SLC13A3: variants seen among roughly 807,000 people sequenced by gnomAD.
SLC13A3 encodes solute carrier family 13 member 3.
In SLC13A3, 40 loss-of-function variants were observed where a neutral mutation model predicts 59.0. That is an observed-to-expected ratio of 0.68 (90% CI 0.53 to 0.88). The LOEUF is 0.88. SLC13A3 is among the 40% of genes least tolerant of loss of function. The probability of loss-of-function intolerance (pLI) is 0.00; values close to 1 mark genes in which losing one functional copy is unlikely to be tolerated. For synonymous variants in SLC13A3, 317 were observed against 330.3 expected (o/e 0.96, Z 0.44); for missense variants, 699 against 783.2 (o/e 0.89, Z 1.28).
intron 1 of SLC13A3, among the ~76,000 whole-genome samples, chr20:46,615,197 AC>A (rs1371989330): frequency 1.1e-4 from 16 of 152,160 alleles, no homozygotes; most frequent in Admixed American, 9.2e-4. Flanking sequence ...TTTCAAGGCA[AC>A]GATCTTGCAT....
rs2061908583 is a variant in SLC13A3 at position 46,558,993 on chromosome 20, G to A, written c.*1029C>T. The A allele has an allele frequency of 6.6e-6, 1 of 151,892 alleles. No homozygotes were observed. The highest frequency in any genetic ancestry group is 2.4e-5 in the African/African-American group (1 of 41,324). The allele number at this position is 151,892 out of a possible 1,614,324, so 9.4% of individuals were successfully genotyped here. A position where few individuals can be genotyped will look rare whatever the true frequency, so the allele number is the denominator to read the frequency against. On this transcript the variant is annotated 3_prime_UTR_variant, in exon 13 of 13. Coordinates refer to ENST00000279027, the MANE Select transcript of SLC13A3 (RefSeq NM_022829.6). The stretch of plus-strand genomic sequence containing the variant: ...CTCAGTTTTACCCATATGCAGAAGG[G>A]GACAATCTTTTGCTTGCCTGAGACA...
At chr20:46,597,729 G>A (rs772543979) in intron 4 of SLC13A3, among the ~76,000 whole-genome samples, 14 of 152,268 alleles carry the variant, frequency 9.2e-5, no homozygotes, top group Admixed American at 5.2e-4. Context: ...AAGCCACCGC[G>A]GTAAAAATGC....
intron 11 of SLC13A3, 59 bp from the exon 12 acceptor site, chr20:46,563,610 A>AAAAGAGAG: frequency 3.6e-6 from 2 of 560,470 alleles, no homozygotes; most frequent in South Asian, 3.1e-5. Context: ...CGACCACAGC[A>AAAAGAGAG]AGAGGGAGAG....
intron 1 of SLC13A3, among the ~76,000 whole-genome samples, chr20:46,632,613 A>G (rs1397040619): frequency 6.6e-6 from 1 of 152,184 alleles, no homozygotes; most frequent in Non-Finnish European, 1.5e-5. Context: ...CTGGGTTCCA[A>G]TCCTGGAAGT....
At chr20:46,588,968 T>C (rs1478389082) in intron 7 of SLC13A3, among the ~76,000 whole-genome samples, 192 bp downstream of exon 7, 2 of 151,956 alleles carry the variant, frequency 1.3e-5, no homozygotes, top group African/African-American at 4.8e-5. Context: ...GGTCCTCAGG[T>C]TTCTACCCCA....
intron 1 of SLC13A3, among the ~76,000 whole-genome samples, chr20:46,635,848 C>T (rs780711757): frequency 9.9e-5 from 15 of 152,190 alleles, no homozygotes; most frequent in Non-Finnish European, 1.6e-4. Context: ...GCAAGGAAAG[C>T]GACCTCTAGT....
chr20:46,661,223 T>A (rs530076297), intron 1 of SLC13A3, among the ~76,000 whole-genome samples: 1 of 152,340 alleles, frequency 6.6e-6, no homozygotes, highest in Admixed American at 6.5e-5. Flanking sequence ...CAGTAGAGAA[T>A]GAAGTAAATA....
rs2062167810 is a variant in SLC13A3, at chr20:46,584,099, A to T, written c.1122-430T>A. 1.3e-5 allele frequency: 13 copies of T among 985,358 alleles called. No individual in the cohort carries two copies. The South Asian group carries it at 5.2e-4, about 39-fold the overall frequency. 61.0% of individuals were successfully genotyped at this position (985,358 alleles called of 1,614,324 possible). A position where few individuals can be genotyped will look rare whatever the true frequency, so the allele number is the denominator to read the frequency against. The stretch of plus-strand genomic sequence containing the variant: ...CTGCATTGAGATACAGCCCACTCAC[A>T]CCAGTGGAACCCAGATTGACCCAGC... On this transcript the variant is annotated intron_variant, in intron 8 of 12. Coordinates refer to ENST00000279027, the MANE Select transcript of SLC13A3 (RefSeq NM_022829.6).
chr20:46,616,274 AACAG>A (rs1183372464), intron 1 of SLC13A3, among the ~76,000 whole-genome samples: 1 of 152,184 alleles, frequency 6.6e-6, no homozygotes, highest in Non-Finnish European at 1.5e-5. Context: ...CAGTATATAA[AACAG>A]ACAAACTTTG....
chr20:46,585,044 A>G (rs1007694160), intron 8 of SLC13A3: 13 of 687,732 alleles, frequency 1.9e-5, no homozygotes, highest in Admixed American at 1.9e-4. Context: ...ACACAATCCA[A>G]TAAGGAATTG....
chr20:46,639,221 G>C (rs2062823481), intron 1 of SLC13A3, among the ~76,000 whole-genome samples: 1 of 151,918 alleles, frequency 6.6e-6, no homozygotes, highest in Admixed American at 6.6e-5. Context: ...AGGGCAGGGG[G>C]GTGGGGGTGA....
intron 1 of SLC13A3, among the ~76,000 whole-genome samples, chr20:46,635,650 G>A (rs898651441): frequency 6.6e-6 from 1 of 152,146 alleles, no homozygotes; most frequent in Non-Finnish European, 1.5e-5. Context: ...GAACCAGAGT[G>A]ACTCCATCTT....
rs1164071202 is a variant in SLC13A3 at position 46,558,807 on chromosome 20, G to A, written c.*1215C>T. On this transcript the variant is annotated 3_prime_UTR_variant, in exon 13 of 13. Transcript: ENST00000279027. Reference sequence around the variant, plus strand: ...GACGAGTCAGGGCCCCTGGGCTGGTGTCTTTTCCAATACTGGGCTAATGCT... The same window carrying A: ...GACGAGTCAGGGCCCCTGGGCTGGTATCTTTTCCAATACTGGGCTAATGCT... 1 of 152,124 alleles carries A rather than the reference G, an allele frequency of 6.6e-6. No individual in the cohort carries two copies. Among genetic ancestry groups the A allele is most frequent in the Non-Finnish European group, 1.5e-5 (1 of 68,090 alleles). 9.4% of individuals were successfully genotyped at this position (152,124 alleles called of 1,614,324 possible). A position where few individuals can be genotyped will look rare whatever the true frequency, so the allele number is the denominator to read the frequency against.
chr20:46,612,717 A>G (rs1161403854), intron 2 of SLC13A3, among the ~76,000 whole-genome samples: 1 of 152,184 alleles, frequency 6.6e-6, no homozygotes, highest in Non-Finnish European at 1.5e-5. Context: ...AGATTCACCA[A>G]ATTGCCAAAA....
At chr20:46,565,985 C>T (rs1246911876) in intron 11 of SLC13A3, among the ~76,000 whole-genome samples, 1 of 152,206 alleles carries the variant, frequency 6.6e-6, no homozygotes, top group Non-Finnish European at 1.5e-5. Context: ...CTCCATGTCA[C>T]CATGGGTTAA....
At chr20:46,584,312 A>G (rs2062170408) in intron 8 of SLC13A3, 7 of 985,344 alleles carry the variant, frequency 7.1e-6, no homozygotes, top group Non-Finnish European at 8.4e-6. Flanking sequence ...AAACTGACAT[A>G]CAAATACAAC....
At chr20:46,597,130 A>T (rs2062320842) in intron 4 of SLC13A3, among the ~76,000 whole-genome samples, 1 of 152,214 alleles carries the variant, frequency 6.6e-6, no homozygotes, top group South Asian at 2.1e-4. Context: ...TAAAGTCTAG[A>T]AATATATGCA....
intron 3 of SLC13A3, among the ~76,000 whole-genome samples, chr20:46,606,878 C>T (rs906471354): frequency 6.6e-6 from 1 of 152,222 alleles, no homozygotes; most frequent in Non-Finnish European, 1.5e-5. Context: ...TTGGCGAAGC[C>T]ATCACTCACA....
intron 1 of SLC13A3, among the ~76,000 whole-genome samples, chr20:46,684,172 T>C (rs1392195475): frequency 6.6e-6 from 1 of 152,182 alleles, no homozygotes; most frequent in South Asian, 2.1e-4. Context: ...CTGCCTGGGA[T>C]ATACTCTCTT....
Sources: allele counts gnomAD v4.1 joint callset (sites outside exome capture counted in the v4.1 genomes callset), GRCh38; gene constraint gnomAD v4.1.1; transcripts MANE v1.5; gene names NCBI Gene and HGNC (gene_info 2026-07-23, HGNC 2026-07-21).